TNIK: variants seen among roughly 807,000 people sequenced by gnomAD.
TNIK encodes the protein TRAF2 and NCK interacting kinase.
TNIK carries 49 observed loss-of-function variants against 191.3 expected under a neutral mutation model. That is an observed-to-expected ratio of 0.26 (90% CI 0.20 to 0.32). TNIK has a LOEUF of 0.32. Ranked by LOEUF, TNIK falls within the 10% of genes least tolerant of loss-of-function variation. TNIK has a pLI of 1.00. For missense variants in TNIK, 1,155 were observed against 1,702.3 expected (o/e 0.68, Z 5.66); for synonymous variants, 594 against 600.9 (o/e 0.99, Z 0.17).
At chr3:171,156,225 G>A (rs774997695) in intron 12 of TNIK, among the ~76,000 whole-genome samples, 17 of 152,172 alleles carry the variant, frequency 1.1e-4, no homozygotes, top group African/African-American at 1.9e-4. Flanking sequence ...TAACCATTGG[G>A]TATTATTGTT....
In TNIK at chr3:171,312,312, A is replaced by G. The variant is rs74919342; in HGVS notation, c.123+57308T>C. On this transcript the variant is annotated intron_variant, in intron 2 of 32. Coordinates refer to ENST00000436636, the MANE Select transcript of TNIK (RefSeq NM_015028.4). ...GTGTTTTTCTAATTCTTCCAAAATT[A>G]TCAGAAAAATATTATTTTTATATGA... 1.9e-3 allele frequency among the ~76,000 whole-genome samples: 284 copies of G among 152,074 alleles called. 3 individuals carry two copies. In the East Asian group the frequency reaches 0.03, roughly 16 times the overall value.
chr3:171,386,305 T>G (rs1349043826), intron 1 of TNIK, among the ~76,000 whole-genome samples: 11 of 152,238 alleles, frequency 7.2e-5, no homozygotes, highest in Admixed American at 6.5e-4. Flanking sequence ...AGAGAATCTG[T>G]GAAGCTGCAT....
intron 27 of TNIK, among the ~76,000 whole-genome samples, chr3:171,081,265 GAA>G (rs1218928048): frequency 1.3e-5 from 2 of 152,082 alleles, no homozygotes; most frequent in Non-Finnish European, 2.9e-5. Context: ...AAAGGTAAAA[GAA>G]AGAGGAAGTT....
chr3:171,131,512 CATT>C (rs550968344), intron 15 of TNIK, among the ~76,000 whole-genome samples: 76 of 152,220 alleles, frequency 5.0e-4, no homozygotes, highest in African/African-American at 1.7e-3. Flanking sequence ...TAAATTCTAT[CATT>C]AGTATATTTC....
At position 171,319,752 on chromosome 3, in the gene TNIK, G is replaced by C. The variant is rs367667539; in HGVS notation, c.123+49868C>G. ...GGAACGAGACCTTTTTAAGGTACCA[G>C]AAATTAAGAAGGAAAATGCCCTGAA... On this transcript the variant is annotated intron_variant, in intron 2 of 32. Coordinates refer to ENST00000436636, the MANE Select transcript of TNIK (RefSeq NM_015028.4). Among the ~76,000 whole-genome samples, 114 of 152,260 alleles carry C rather than the reference G, an allele frequency of 7.5e-4. 4 individuals carry two copies. The South Asian group carries it at 0.021, about 28-fold the overall frequency.
At position 171,156,089 on chromosome 3, in the gene TNIK, G is replaced by T. The variant is rs58514546; in HGVS notation, c.1221+1371C>A. Among the ~76,000 whole-genome samples, 1,003 of 152,278 alleles carry T rather than the reference G, an allele frequency of 6.6e-3. 16 individuals are homozygous for T. Among genetic ancestry groups the T allele is most frequent in the African/African-American group, 0.023 (952 of 41,556 alleles). On this transcript the variant is annotated intron_variant, in intron 12 of 32. Transcript: ENST00000436636. The stretch of plus-strand genomic sequence containing the variant: ...ACCTCAGTTTCTTCTTTGTTAAATG[G>T]GGATTATGAGTTTTGCATGAGAGAT...
intron 2 of TNIK, among the ~76,000 whole-genome samples, chr3:171,251,880 G>A (rs1453807096): frequency 6.6e-6 from 1 of 152,152 alleles, no homozygotes; most frequent in Non-Finnish European, 1.5e-5. Flanking sequence ...GTGAAAGATT[G>A]AGTTGGATAA....
chr3:171,149,172 A>G (rs1576967502), intron 12 of TNIK, among the ~76,000 whole-genome samples: 1 of 152,234 alleles, frequency 6.6e-6, no homozygotes, highest in African/African-American at 2.4e-5. Flanking sequence ...AACACACAAA[A>G]CATACAGACT....
At chr3:171,177,121 T>TC (rs111558337) in intron 8 of TNIK, among the ~76,000 whole-genome samples, 1,988 of 151,734 alleles carry the variant, frequency 0.013, 39 homozygotes, top group African/African-American at 0.046. Flanking sequence ...TTTTTTTTTT[T>TC]CTAATAAAAA....
chr3:171,306,950 A>G (rs1436764467), intron 2 of TNIK, among the ~76,000 whole-genome samples: 1 of 152,172 alleles, frequency 6.6e-6, no homozygotes, highest in East Asian at 1.9e-4. Flanking sequence ...CTTGGCAGAC[A>G]CAAGCCCCGG....
At chr3:171,267,127 A>G (rs1748495665) in intron 2 of TNIK, among the ~76,000 whole-genome samples, 1 of 152,228 alleles carries the variant, frequency 6.6e-6, no homozygotes, top group Admixed American at 6.5e-5. Context: ...TTCAGAATGT[A>G]AATTACAGGA....
intron 2 of TNIK, among the ~76,000 whole-genome samples, chr3:171,287,791 CAAATG>C (rs2108222278): frequency 6.6e-6 from 1 of 152,262 alleles, no homozygotes; most frequent in African/African-American, 2.4e-5. Context: ...CCAAATTGTT[CAAATG>C]ATGCTTGAAG....
Position 171,459,996 on chromosome 3 carries a change from G to A in TNIK, c.57+11C>T, listed in dbSNP as rs757602746. The A allele has an allele frequency of 2.5e-6, 4 of 1,584,784 alleles. No homozygotes were observed. The South Asian group carries it at 3.4e-5, about 13-fold the overall frequency. Reference sequence around the variant, plus strand: ...AACCACTGGAAAGAAACCAGAAAACGTCCTGCTCACCCTCAGAGCCGAGAG... The same window carrying A: ...AACCACTGGAAAGAAACCAGAAAACATCCTGCTCACCCTCAGAGCCGAGAG... On this transcript the variant is annotated intron_variant, in intron 1 of 32. Coordinates refer to ENST00000436636, the MANE Select transcript of TNIK (RefSeq NM_015028.4).
At chr3:171,074,894 G>A (rs1051547426) in intron 28 of TNIK, among the ~76,000 whole-genome samples, 1 of 152,156 alleles carries the variant, frequency 6.6e-6, no homozygotes, top group African/African-American at 2.4e-5. Context: ...CAAGTTTTCT[G>A]ATAGAGAATT....
intron 1 of TNIK, among the ~76,000 whole-genome samples, chr3:171,440,556 T>C (rs1726662965): frequency 6.6e-6 from 1 of 152,126 alleles, no homozygotes; most frequent in South Asian, 2.1e-4. Flanking sequence ...ACTGATACTG[T>C]AGAAAAATAG....
intron 10 of TNIK, among the ~76,000 whole-genome samples, chr3:171,164,497 G>A (rs1734373790): frequency 6.6e-6 from 1 of 152,200 alleles, no homozygotes; most frequent in African/African-American, 2.4e-5. Flanking sequence ...GCAACTATTT[G>A]AGGCAGTAGA....
intron 1 of TNIK, among the ~76,000 whole-genome samples, chr3:171,398,041 G>T (rs1053898336): frequency 3.3e-5 from 5 of 152,196 alleles, no homozygotes; most frequent in Non-Finnish European, 7.3e-5. Context: ...GCTGGAGAAA[G>T]AAAATACAAC....
chr3:171,315,429 T>C (rs1195127854), intron 2 of TNIK, among the ~76,000 whole-genome samples: 2 of 152,120 alleles, frequency 1.3e-5, no homozygotes, highest in African/African-American at 4.8e-5. Flanking sequence ...ATTCAATCAT[T>C]GACCCACACA....
chr3:171,390,553 A>G (rs1719361217), intron 1 of TNIK, among the ~76,000 whole-genome samples: 1 of 152,320 alleles, frequency 6.6e-6, no homozygotes, highest in South Asian at 2.1e-4. Context: ...CAGCCACTCA[A>G]TTAATGGAAC....
Sources: allele counts gnomAD v4.1 joint callset (sites outside exome capture counted in the v4.1 genomes callset), GRCh38; gene constraint gnomAD v4.1.1; transcripts MANE v1.5; gene names NCBI Gene and HGNC (gene_info 2026-07-23, HGNC 2026-07-21).